Variants in AADAT observed in about 807,000 individuals in gnomAD.
AADAT encodes the protein aminoadipate aminotransferase.
Under a neutral mutation model 56.2 loss-of-function variants are expected in AADAT, and 25 were observed. The observed-to-expected ratio is 0.44, with a 90% CI of 0.32 to 0.62. AADAT has a LOEUF of 0.62. Among genes scored for constraint, AADAT ranks in the 20% least tolerant of loss-of-function variants. The probability of loss-of-function intolerance (pLI) is 0.04; values close to 1 mark genes in which losing one functional copy is unlikely to be tolerated. For synonymous variants in AADAT, 173 were observed against 164.7 expected (o/e 1.05, Z -0.39); for missense variants, 387 against 510.5 (o/e 0.76, Z 2.33).
At position 170,086,024 on chromosome 4, in the gene AADAT, CCAAGG is replaced by C. The variant is rs879488290; in HGVS notation, c.369+1087_369+1091del. On this transcript the variant is annotated intron_variant, in intron 3 of 12. Transcript: ENST00000337664. Reference sequence around the variant, plus strand: ...GAAAATATACCAGCACTTTGGGAGGCCAAGGTGGACAGACTGCTTGAGCCCATGAG... The same window carrying C: ...GAAAATATACCAGCACTTTGGGAGGCTGGACAGACTGCTTGAGCCCATGAG... 1.9e-3 allele frequency among the ~76,000 whole-genome samples: 292 copies of C among 152,110 alleles called. 1 individual carries two copies. The highest frequency in any genetic ancestry group is 3.2e-3 in the Non-Finnish European group (216 of 67,964).
At chr4:170,080,785 G>A (rs2111195329) in intron 3 of AADAT, among the ~76,000 whole-genome samples, 1 of 152,232 alleles carries the variant, frequency 6.6e-6, no homozygotes, top group African/African-American at 2.4e-5. Context: ...CCCAACAATA[G>A]AGATTTACTA....
chr4:170,081,406 G>GA (rs1490996390), intron 3 of AADAT, among the ~76,000 whole-genome samples: 1 of 152,100 alleles, frequency 6.6e-6, no homozygotes, highest in Admixed American at 6.6e-5. Flanking sequence ...AATAATAACA[G>GA]AAAAGTTTCT....
intron 4 of AADAT, among the ~76,000 whole-genome samples, chr4:170,077,539 T>C (rs188393949): frequency 2.0e-5 from 3 of 152,322 alleles, no homozygotes; most frequent in East Asian, 3.9e-4. Context: ...AAAGGATCCA[T>C]GAAGTTGGAA....
intron 4 of AADAT, among the ~76,000 whole-genome samples, chr4:170,075,522 T>G (rs927790583): frequency 3.3e-5 from 5 of 152,242 alleles, no homozygotes; most frequent in Admixed American, 6.5e-5. Flanking sequence ...TTGCCCAGTA[T>G]GGGCTCGAAC....
At chr4:170,061,051 CAA>C (rs1384024686) in intron 12 of AADAT, 82 bp from the exon 13 acceptor site, 7 of 1,027,666 alleles carry the variant, frequency 6.8e-6, no homozygotes, top group East Asian at 2.7e-5. Context: ...AAAATCCAAA[CAA>C]AGAGTATCTG....
chr4:170,084,072 T>C (rs976605214), intron 3 of AADAT, among the ~76,000 whole-genome samples: 1 of 152,196 alleles, frequency 6.6e-6, no homozygotes, highest in Non-Finnish European at 1.5e-5. Context: ...AATAAAATCC[T>C]GTCATTTGCA....
upstream of AADAT, among the ~76,000 whole-genome samples, chr4:170,093,891 C>T (rs1198653083): frequency 1.3e-5 from 2 of 152,238 alleles, no homozygotes; most frequent in African/African-American, 4.8e-5. Context: ...AGCCAGCGCA[C>T]CTGGCCTCAC....
At chr4:170,069,511 C>A (rs565194953) in intron 6 of AADAT, among the ~76,000 whole-genome samples, 1 of 152,276 alleles carries the variant, frequency 6.6e-6, no homozygotes, top group African/African-American at 2.4e-5. Flanking sequence ...TTCAAACAGG[C>A]CCTCTTTGCC....
At chr4:170,090,037 C>G (rs1335284924), upstream of AADAT, 2 of 153,776 alleles carry the variant, frequency 1.3e-5, no homozygotes, top group African/African-American at 2.4e-5. Context: ...TGGCCTATGG[C>G]CGCCCGCGGC....
intron 3 of AADAT, among the ~76,000 whole-genome samples, chr4:170,083,315 A>G (rs564180202): frequency 2.6e-5 from 4 of 152,132 alleles, no homozygotes; most frequent in African/African-American, 4.8e-5. Flanking sequence ...AAGGAAATTA[A>G]AAGTTTTACT....
intron 1 of AADAT, chr4:170,089,412 C>G: frequency 1.6e-6 from 1 of 614,554 alleles, no homozygotes; most frequent in East Asian, 2.8e-5. Flanking sequence ...CTACTCTGCT[C>G]CAGCAGAAAT....
rs769515661 is a variant in AADAT, at chr4:170,060,933, A to G, written c.1273T>C (p.Leu425=). ...CCCAACCTAGTTTAATTTCTTCATA[A>G]AGATTCTTTTATAAGTTGTGCTAAT... The part of the protein sequence containing the change: ...QVLAQLIKES[L] The change falls in exon 13 of 13, where the codon TTA becomes CTA. Residue 425 remains leucine, a synonymous_variant. Coordinates refer to ENST00000337664, the MANE Select transcript of AADAT (RefSeq NM_016228.4). The G allele has an allele frequency of 5.8e-6, 9 of 1,543,388 alleles. No homozygotes were observed. The East Asian group carries it at 2.0e-4, about 34-fold the overall frequency.
intron 4 of AADAT, among the ~76,000 whole-genome samples, chr4:170,077,835 C>T (rs1211326216): frequency 1.3e-5 from 2 of 152,198 alleles, no homozygotes; most frequent in African/African-American, 4.8e-5. Flanking sequence ...AGTTTTCATG[C>T]CTCTGTTGAG....
rs561766755 is a variant in AADAT, at chr4:170,089,804, G to A, written c.-114C>T. Reference sequence around the variant, plus strand: ...CCTCACTCTGGCAACGCCACCGCGAGATGTGTCCCCCCGCTGCGTCTGGCT... The same window carrying A: ...CCTCACTCTGGCAACGCCACCGCGAAATGTGTCCCCCCGCTGCGTCTGGCT... On this transcript the variant is annotated 5_prime_UTR_variant, in exon 1 of 13. Transcript: ENST00000337664. 4.5e-5 allele frequency: 48 copies of A among 1,072,012 alleles called. No homozygotes were observed. The South Asian group carries it at 6.2e-4, about 14-fold the overall frequency. The allele number at this position is 1,072,012 out of a possible 1,614,324, so 66.4% of individuals were successfully genotyped here.
chr4:170,079,490 T>C (rs193075657), intron 3 of AADAT, among the ~76,000 whole-genome samples: 10 of 152,220 alleles, frequency 6.6e-5, no homozygotes, highest in African/African-American at 2.2e-4. Context: ...AGAATACATG[T>C]GGAAAGTTTA....
At chr4:170,090,856 G>GATTC (rs1367174728), upstream of AADAT, among the ~76,000 whole-genome samples, 4 of 152,136 alleles carry the variant, frequency 2.6e-5, no homozygotes, top group African/African-American at 9.7e-5. Context: ...TGAATGAACA[G>GATTC]ATTCATTCAT....
intron 6 of AADAT, 183 bp downstream of exon 6, chr4:170,070,404 C>G (rs1326574018): frequency 4.0e-6 from 2 of 499,910 alleles, no homozygotes; most frequent in African/African-American, 4.1e-5. Context: ...AAGAAAGGTA[C>G]TAATTCCATA....
chr4:170,078,761 C>A (rs1165530508), intron 3 of AADAT, among the ~76,000 whole-genome samples, 178 bp from the exon 4 acceptor site: 1 of 152,162 alleles, frequency 6.6e-6, no homozygotes, highest in Non-Finnish European at 1.5e-5. Context: ...TGCAACTACC[C>A]TGCAACTACT....
intron 3 of AADAT, among the ~76,000 whole-genome samples, chr4:170,084,351 C>G (rs1732453593): frequency 6.6e-6 from 1 of 151,958 alleles, no homozygotes; most frequent in Non-Finnish European, 1.5e-5. Flanking sequence ...TTTATGGCAA[C>G]AGAAAAAATT....
Sources: gnomAD v4.1 joint callset for allele counts (sites outside exome capture counted in the v4.1 genomes callset) on GRCh38, gnomAD v4.1.1 for gene constraint, MANE v1.5 for transcripts, NCBI Gene and HGNC (gene_info 2026-07-23, HGNC 2026-07-21) for gene names.